GRIA1: variants seen among roughly 807,000 people sequenced by gnomAD.
The protein encoded by GRIA1 is glutamate receptor 1.
GRIA1 carries 31 observed loss-of-function variants against 99.2 expected under a neutral mutation model. That is an observed-to-expected ratio of 0.31 (90% CI 0.23 to 0.42). The LOEUF (loss-of-function observed/expected upper bound fraction) is 0.42, where lower values mean the gene tolerates loss of function less well. GRIA1 is among the 10% of genes least tolerant of loss of function. The pLI is 1.00. For missense variants in GRIA1, 782 were observed against 1,157.5 expected (o/e 0.68, Z 4.71); for synonymous variants, 438 against 432.4 (o/e 1.01, Z -0.16).
intron 2 of GRIA1, among the ~76,000 whole-genome samples, chr5:153,636,761 C>A (rs751549787): frequency 9.9e-5 from 15 of 152,214 alleles, no homozygotes; most frequent in Admixed American, 2.6e-4. Flanking sequence ...CCTGTGCTAT[C>A]AAATTAGCAT....
chr5:153,678,916 T>C (rs1756780623), intron 7 of GRIA1, among the ~76,000 whole-genome samples: 1 of 152,114 alleles, frequency 6.6e-6, no homozygotes, highest in Non-Finnish European at 1.5e-5. Flanking sequence ...CCCATGAAAA[T>C]GAAGGGGGTG....
chr5:153,668,666 C>G (rs1044344423), intron 5 of GRIA1, among the ~76,000 whole-genome samples: 1 of 152,096 alleles, frequency 6.6e-6, no homozygotes, highest in African/African-American at 2.4e-5. Flanking sequence ...TTTGCTGACC[C>G]CTTGCATAGA....
chr5:153,494,205 C>G, intron 2 of GRIA1, 140 bp downstream of exon 2: 1 of 796,498 alleles, frequency 1.3e-6, no homozygotes, highest in Non-Finnish European at 2.0e-6. Context: ...AGAAAAATTT[C>G]TAGAGGCTTC....
chr5:153,771,613 G>T (rs922348000), intron 13 of GRIA1, among the ~76,000 whole-genome samples: 1 of 152,064 alleles, frequency 6.6e-6, no homozygotes, highest in African/African-American at 2.4e-5. Flanking sequence ...TATAAAAGGG[G>T]ACCTAGAGAA....
At chr5:153,526,775 G>A (rs1581176705) in intron 2 of GRIA1, among the ~76,000 whole-genome samples, 1 of 152,222 alleles carries the variant, frequency 6.6e-6, no homozygotes, top group African/African-American at 2.4e-5. Flanking sequence ...TATGTGCACA[G>A]GGCAGCAAAG....
intron 13 of GRIA1, among the ~76,000 whole-genome samples, chr5:153,775,141 C>T (rs1764138311): frequency 6.6e-6 from 1 of 152,212 alleles, no homozygotes; most frequent in Non-Finnish European, 1.5e-5. Flanking sequence ...CTTAATGTAT[C>T]TTGCTAGCCT....
intron 2 of GRIA1, among the ~76,000 whole-genome samples, chr5:153,639,732 T>C (rs1753655430): frequency 6.6e-6 from 1 of 152,228 alleles, no homozygotes; most frequent in Admixed American, 6.5e-5. Context: ...CAGTGATGTA[T>C]ACCCCTAGCA....
chr5:153,778,086 A>G (rs918657749), intron 13 of GRIA1, among the ~76,000 whole-genome samples: 1 of 151,958 alleles, frequency 6.6e-6, no homozygotes, highest in African/African-American at 2.4e-5. Context: ...AAATGGGGGG[A>G]TAAAAGGAGA....
chr5:153,675,284 T>C (rs546221076), intron 6 of GRIA1, among the ~76,000 whole-genome samples: 1 of 152,194 alleles, frequency 6.6e-6, no homozygotes, highest in African/African-American at 2.4e-5. Flanking sequence ...AGGTGGCCCT[T>C]ATTCTGCTCA....
chr5:153,650,646 A>G (rs902085719), intron 4 of GRIA1, 132 bp downstream of exon 4: 4 of 767,112 alleles, frequency 5.2e-6, no homozygotes, highest in South Asian at 4.3e-5. Context: ...AAAGACCTCT[A>G]TCTCATTTTC....
chr5:153,573,251 CT>C (rs2149365196), intron 2 of GRIA1: 1 of 152,258 alleles, frequency 6.6e-6, no homozygotes. Flanking sequence ...GGCTAGGGGC[CT>C]GCCTGGAGGA....
At chr5:153,707,702 G>A (rs900410521) in intron 11 of GRIA1, among the ~76,000 whole-genome samples, 17 of 152,066 alleles carry the variant, frequency 1.1e-4, no homozygotes, top group African/African-American at 3.9e-4. Context: ...ATTCCTAAGC[G>A]GCAATGGAGT....
chr5:153,499,092 G>A (rs934827994), intron 2 of GRIA1, among the ~76,000 whole-genome samples: 4 of 152,120 alleles, frequency 2.6e-5, no homozygotes, highest in African/African-American at 4.8e-5. Context: ...GGCTGATGGT[G>A]GGATAAACAA....
chr5:153,661,984 G>C (rs1755405280), intron 5 of GRIA1, among the ~76,000 whole-genome samples: 1 of 152,130 alleles, frequency 6.6e-6, no homozygotes, highest in African/African-American at 2.4e-5. Flanking sequence ...TTCTCAAAGG[G>C]CTCAGACAGT....
At chr5:153,665,596 C>T (rs1185240329) in intron 5 of GRIA1, among the ~76,000 whole-genome samples, 2 of 152,106 alleles carry the variant, frequency 1.3e-5, no homozygotes, top group African/African-American at 4.8e-5. Context: ...AAGTCTTCAG[C>T]CCAGGAGTAT....
intron 2 of GRIA1, among the ~76,000 whole-genome samples, chr5:153,507,556 T>A (rs1755655893): frequency 1.3e-5 from 2 of 152,322 alleles, no homozygotes; most frequent in Middle Eastern, 3.4e-3. Context: ...GGTGTCTGGT[T>A]TCAACTTCTC....
intron 2 of GRIA1, among the ~76,000 whole-genome samples, chr5:153,504,382 AATGTATTTATTGTCTATTTT>A (rs2113264159): frequency 6.6e-6 from 1 of 151,510 alleles, no homozygotes; most frequent in African/African-American, 2.4e-5. Context: ...TATAGATGTA[AATGTATTTATTGTCTATTTT>A]ATGTATTTAT....
At chr5:153,561,309 A>G (rs1761105795) in intron 2 of GRIA1, among the ~76,000 whole-genome samples, 1 of 152,144 alleles carries the variant, frequency 6.6e-6, no homozygotes, top group South Asian at 2.1e-4. Context: ...GGGTCATGAA[A>G]CTGGTAACTT....
chr5:153,804,350 A>G (rs1222369132), intron 15 of GRIA1, among the ~76,000 whole-genome samples: 2 of 152,122 alleles, frequency 1.3e-5, no homozygotes, highest in Admixed American at 6.6e-5. Context: ...GGACTCCTAG[A>G]ACCTACTCAA....
Sources: gnomAD v4.1 joint callset for allele counts (sites outside exome capture counted in the v4.1 genomes callset) on GRCh38, gnomAD v4.1.1 for gene constraint, MANE v1.5 for transcripts, NCBI Gene and HGNC (gene_info 2026-07-23, HGNC 2026-07-21) for gene names.